SOX5: variants seen among roughly 807,000 people sequenced by gnomAD.
SOX5 encodes transcription factor SOX-5.
In SOX5, 9 loss-of-function variants were observed where a neutral mutation model predicts 92.0. The ratio of observed to expected loss-of-function variants is 0.10; its 90% confidence interval spans 0.06 to 0.17. The LOEUF is 0.17. Ranked by LOEUF, SOX5 falls within the 10% of genes least tolerant of loss-of-function variation. The probability of loss-of-function intolerance (pLI) is 1.00; values close to 1 mark genes in which losing one functional copy is unlikely to be tolerated. For missense variants in SOX5, 642 were observed against 944.5 expected, an observed-to-expected ratio of 0.68 and a Z score of 4.20; for synonymous variants, 344 against 336.3, an observed-to-expected ratio of 1.02 and a Z score of -0.25.
chr12:24,329,452 C>A (rs1951056695), intron 2 of SOX5, among the ~76,000 whole-genome samples: 1 of 152,102 alleles, frequency 6.6e-6, no homozygotes, highest in Non-Finnish European at 1.5e-5. Context: ...GGGGAAAAGG[C>A]CCCCAAAGTC....
chr12:23,668,842 A>T (rs1237943403), intron 6 of SOX5, among the ~76,000 whole-genome samples: 1 of 152,182 alleles, frequency 6.6e-6, no homozygotes, highest in Non-Finnish European at 1.5e-5. Flanking sequence ...AAGATACTAC[A>T]TAGTCTCTAA....
chr12:23,530,820 C>CGTGTGTGTGT lies in SOX5; in HGVS notation c.*3398_*3399insACACACACAC, dbSNP rs1333121025. The CGTGTGTGTGT allele has an allele frequency of 1.1e-5, 1 of 87,392 alleles. No homozygotes were observed. Among genetic ancestry groups the CGTGTGTGTGT allele is most frequent in the South Asian group, 4.6e-4 (1 of 2,186 alleles). 5.4% of individuals were successfully genotyped at this position (87,392 alleles called of 1,614,324 possible). A position where few individuals can be genotyped will look rare whatever the true frequency, so the allele number is the denominator to read the frequency against. On this transcript the variant is annotated 3_prime_UTR_variant, in exon 15 of 15. Transcript: ENST00000451604. ...GCAAGTGTGTGTGTGTGTGTGTGTG[C>CGTGTGTGTGT]GCGCGCGCGCGCGCGCATGTGAGAG...
intron 2 of SOX5, among the ~76,000 whole-genome samples, chr12:23,889,426 T>C (rs2097105650): frequency 6.6e-6 from 1 of 152,200 alleles, no homozygotes; most frequent in Non-Finnish European, 1.5e-5. Flanking sequence ...ACCATCCTAG[T>C]CAAACATTGA....
intron 4 of SOX5, among the ~76,000 whole-genome samples, chr12:24,198,401 G>C (rs550019459): frequency 6.6e-6 from 1 of 152,026 alleles, no homozygotes; most frequent in African/African-American, 2.4e-5. Context: ...ATTTTATTTC[G>C]AGTTGTTTAT....
At chr12:24,368,871 TTA>T (rs767334721) in intron 1 of SOX5, among the ~76,000 whole-genome samples, 46 of 152,346 alleles carry the variant, frequency 3.0e-4, no homozygotes, top group Non-Finnish European at 5.4e-4. Flanking sequence ...GGTTATTATA[TTA>T]CATATCATTA....
intron 11 of SOX5, among the ~76,000 whole-genome samples, chr12:23,550,489 A>T (rs2136140872): frequency 1.3e-5 from 2 of 151,976 alleles, no homozygotes; most frequent in South Asian, 4.1e-4. Flanking sequence ...AATTGAAAAG[A>T]CAGGGAATCT....
intron 3 of SOX5, among the ~76,000 whole-genome samples, chr12:24,233,115 A>G (rs1403120859): frequency 6.6e-6 from 1 of 152,218 alleles, no homozygotes; most frequent in Non-Finnish European, 1.5e-5. Context: ...GTTCCCTCTT[A>G]TGCCTAACTT....
intron 6 of SOX5, among the ~76,000 whole-genome samples, chr12:23,681,773 T>C (rs2086663851): frequency 6.6e-6 from 1 of 151,730 alleles, no homozygotes; most frequent in African/African-American, 2.4e-5. Context: ...AATCCAAATA[T>C]GCATAACAAA....
intron 3 of SOX5, among the ~76,000 whole-genome samples, chr12:23,787,471 C>G (rs1175452840): frequency 2.6e-5 from 4 of 151,944 alleles, no homozygotes; most frequent in Non-Finnish European, 5.9e-5. Flanking sequence ...CCTTTCTTTT[C>G]CATATCATTG....
intron 2 of SOX5, among the ~76,000 whole-genome samples, chr12:23,861,997 T>C (rs1250858193): frequency 1.3e-5 from 2 of 152,202 alleles, no homozygotes; most frequent in Non-Finnish European, 2.9e-5. Flanking sequence ...TTTTTGGGTT[T>C]TCTATTATTT....
intron 1 of SOX5, among the ~76,000 whole-genome samples, chr12:23,938,434 G>C (rs1397994210): frequency 6.6e-6 from 1 of 150,888 alleles, no homozygotes; most frequent in Non-Finnish European, 1.5e-5. Flanking sequence ...ATGTTTTCTA[G>C]TTTTCAAAAT....
intron 13 of SOX5, among the ~76,000 whole-genome samples, chr12:23,542,440 C>CT (rs146709076): frequency 0.033 from 5,092 of 152,132 alleles, 313 homozygotes; most frequent in African/African-American, 0.12. Context: ...ATGGAATCTT[C>CT]TTTTTTTCTT....
At chr12:24,511,302 G>C (rs150137328) in intron 1 of SOX5, among the ~76,000 whole-genome samples, 108 of 152,308 alleles carry the variant, frequency 7.1e-4, no homozygotes, top group African/African-American at 2.5e-3. Context: ...ACACAATGCA[G>C]TGTGGTAATG....
intron 4 of SOX5, among the ~76,000 whole-genome samples, chr12:24,020,444 A>G (rs1333618693): frequency 6.6e-6 from 1 of 152,210 alleles, no homozygotes; most frequent in African/African-American, 2.4e-5. Flanking sequence ...GAAGAAAACA[A>G]TTAAGAGAAA....
chr12:23,789,870 A>G (rs969114205), intron 3 of SOX5, among the ~76,000 whole-genome samples: 3 of 152,172 alleles, frequency 2.0e-5, no homozygotes, highest in African/African-American at 7.2e-5. Context: ...ACACTGATAC[A>G]TTTCATACTT....
intron 1 of SOX5, among the ~76,000 whole-genome samples, chr12:24,461,525 C>G (rs2137487288): frequency 6.6e-6 from 1 of 152,266 alleles, no homozygotes; most frequent in South Asian, 2.1e-4. Flanking sequence ...AGAAGAAATA[C>G]CTGCTTTCTG....
chr12:24,018,485 C>T (rs1428459548), intron 4 of SOX5, among the ~76,000 whole-genome samples: 1 of 152,100 alleles, frequency 6.6e-6, no homozygotes, highest in Admixed American at 6.6e-5. Context: ...GACTTCAACA[C>T]TTTAGGTCAT....
chr12:23,733,757 T>C (rs1001210542), intron 6 of SOX5, among the ~76,000 whole-genome samples: 2 of 152,180 alleles, frequency 1.3e-5, no homozygotes, highest in Non-Finnish European at 2.9e-5. Flanking sequence ...CTTAATAAAA[T>C]ATGTTGGATC....
At chr12:23,846,291 T>C (rs1366715897) in intron 2 of SOX5, 98 bp from the exon 3 acceptor site, 6 of 949,754 alleles carry the variant, frequency 6.3e-6, no homozygotes, top group Admixed American at 4.3e-5. Flanking sequence ...AAAGGACAAA[T>C]AATTGTTTAA....
Sources: gnomAD v4.1 joint callset for allele counts (sites outside exome capture counted in the v4.1 genomes callset) on GRCh38, gnomAD v4.1.1 for gene constraint, MANE v1.5 for transcripts, NCBI Gene and HGNC (gene_info 2026-07-23, HGNC 2026-07-21) for gene names.